LYPLAL1: variants seen among roughly 807,000 people sequenced by gnomAD.
LYPLAL1 encodes lysophospholipase-like protein 1.
LYPLAL1 carries 23 observed loss-of-function variants against 19.7 expected under a neutral mutation model. That is an observed-to-expected ratio of 1.17 (90% CI 0.84 to 1.65). LYPLAL1 has a LOEUF of 1.65. LYPLAL1 is among the 40% of genes most tolerant of loss of function. LYPLAL1 has a pLI of 0.00. For synonymous variants in LYPLAL1, 119 were observed against 96.3 expected, an observed-to-expected ratio of 1.24 and a Z score of -1.38; for missense variants, 355 against 279.4, an observed-to-expected ratio of 1.27 and a Z score of -1.93.
At chr1:219,288,965 C>T in the LYPLAL1 span, among the ~76,000 whole-genome samples, 1 of 151,908 alleles carries the variant, frequency 6.6e-6, no homozygotes, top group African/African-American at 2.4e-5. Context: ...TCGTCTTGCT[C>T]GAATTTGGTC....
chr1:219,289,078 G>GTTTTTTTTTTTTTTTTTTTTTTTT, the LYPLAL1 span, among the ~76,000 whole-genome samples: 3 of 114,920 alleles, frequency 2.6e-5, 1 homozygote, highest in Non-Finnish European at 3.6e-5. Flanking sequence ...CTCTTGTTTT[G>GTTTTTTTTTTTTTTTTTTTTTTTT]TTTTTTTTGT....
chr1:219,254,662 GGGTC>G, the LYPLAL1 span, among the ~76,000 whole-genome samples: 2 of 151,920 alleles, frequency 1.3e-5, no homozygotes, highest in Non-Finnish European at 2.9e-5. Flanking sequence ...TAGCCTAATG[GGGTC>G]CCCTTTGTAA....
At chr1:219,190,223 T>C (rs1657043544) in intron 2 of LYPLAL1, among the ~76,000 whole-genome samples, 1 of 151,594 alleles carries the variant, frequency 6.6e-6, no homozygotes, top group Non-Finnish European at 1.5e-5. Context: ...GGAAGTCAGT[T>C]CATTATATAT....
chr1:219,342,161 A>G, the LYPLAL1 span, among the ~76,000 whole-genome samples: 1 of 152,042 alleles, frequency 6.6e-6, no homozygotes, highest in Non-Finnish European at 1.5e-5. Context: ...TCAAACTTAC[A>G]TTGACCCACT....
chr1:219,401,237 G>T, the LYPLAL1 span, among the ~76,000 whole-genome samples: 1 of 151,108 alleles, frequency 6.6e-6, no homozygotes. Context: ...TATTTATTTG[G>T]CAAAACTTAC....
the LYPLAL1 span, among the ~76,000 whole-genome samples, chr1:219,267,296 C>T: frequency 6.6e-6 from 1 of 152,158 alleles, no homozygotes; most frequent in Admixed American, 6.5e-5. Flanking sequence ...ATGTACCCAT[C>T]TCATAAACTT....
intron 3 of LYPLAL1, among the ~76,000 whole-genome samples, chr1:219,208,320 G>C (rs1277147590): frequency 6.6e-6 from 1 of 152,042 alleles, no homozygotes; most frequent in African/African-American, 2.4e-5. Flanking sequence ...AAAATCTAGA[G>C]ATTAGTCCAT....
At chr1:219,376,879 G>C in the LYPLAL1 span, among the ~76,000 whole-genome samples, 1 of 152,130 alleles carries the variant, frequency 6.6e-6, no homozygotes. Flanking sequence ...TACACTGCTA[G>C]TACAAATATA....
chr1:219,387,124 C>T, the LYPLAL1 span, among the ~76,000 whole-genome samples: 2 of 152,250 alleles, frequency 1.3e-5, no homozygotes, highest in Middle Eastern at 6.8e-3. Flanking sequence ...TTCCCCTTCT[C>T]CCCCACATGC....
chr1:219,438,571 G>A, the LYPLAL1 span, among the ~76,000 whole-genome samples: 30 of 152,204 alleles, frequency 2.0e-4, no homozygotes, highest in Non-Finnish European at 4.1e-4. Context: ...GTGTTGCCAG[G>A]TTATCGTCAG....
At chr1:219,233,320 A>T in the LYPLAL1 span, among the ~76,000 whole-genome samples, 1 of 152,234 alleles carries the variant, frequency 6.6e-6, no homozygotes, top group Non-Finnish European at 1.5e-5. Flanking sequence ...AAGAGAAAAT[A>T]GGATCGTAGT....
intron 2 of LYPLAL1, among the ~76,000 whole-genome samples, chr1:219,181,035 T>C (rs1460635159): frequency 6.6e-6 from 1 of 152,162 alleles, no homozygotes; most frequent in Admixed American, 6.5e-5. Context: ...GAGCTACATA[T>C]AAATTTAAAT....
the LYPLAL1 span, among the ~76,000 whole-genome samples, chr1:219,296,978 T>C: frequency 6.6e-6 from 1 of 152,308 alleles, no homozygotes; most frequent in Non-Finnish European, 1.5e-5. Context: ...AGGCAGACAC[T>C]AGACGTGCCC....
the LYPLAL1 span, among the ~76,000 whole-genome samples, chr1:219,306,849 TAGACAGACAGACAGAC>T: frequency 7.4e-6 from 1 of 135,304 alleles, no homozygotes; most frequent in African/African-American, 2.8e-5. Context: ...GATAGATAGA[TAGACAGACAGACAGAC>T]AGACAGATAG....
chr1:219,332,834 C>A, the LYPLAL1 span, among the ~76,000 whole-genome samples: 3 of 120,426 alleles, frequency 2.5e-5, no homozygotes, highest in South Asian at 3.2e-4. Flanking sequence ...CCCCCCCCCC[C>A]AAATTAAACC....
At chr1:219,311,833 T>C in the LYPLAL1 span, among the ~76,000 whole-genome samples, 1 of 152,144 alleles carries the variant, frequency 6.6e-6, no homozygotes, top group African/African-American at 2.4e-5. Flanking sequence ...CATGTAACTT[T>C]CTATTAAAAT....
chr1:219,365,514 A>T, the LYPLAL1 span, among the ~76,000 whole-genome samples: 2 of 152,158 alleles, frequency 1.3e-5, no homozygotes, highest in Non-Finnish European at 2.9e-5. Flanking sequence ...GACTTGCATG[A>T]ATAGCCTTGG....
the LYPLAL1 span, among the ~76,000 whole-genome samples, chr1:219,412,655 C>A: frequency 3.9e-5 from 6 of 152,148 alleles, no homozygotes; most frequent in Non-Finnish European, 8.8e-5. Flanking sequence ...TCCTTTCTCA[C>A]ATTCATATAG....
chr1:219,370,217 G>A, the LYPLAL1 span, among the ~76,000 whole-genome samples: 10 of 152,114 alleles, frequency 6.6e-5, no homozygotes, highest in African/African-American at 1.4e-4. Context: ...CTGATTCTCC[G>A]ATCTGAGAAG....
Sources: gnomAD v4.1 joint callset for allele counts (sites outside exome capture counted in the v4.1 genomes callset) on GRCh38, gnomAD v4.1.1 for gene constraint, MANE v1.5 for transcripts, NCBI Gene and HGNC (gene_info 2026-07-23, HGNC 2026-07-21) for gene names.